Variants in HOXB4 observed in about 807,000 individuals in gnomAD.
HOXB4 encodes homeobox protein Hox-B4.
In HOXB4, 13 loss-of-function variants were observed where a neutral mutation model predicts 20.0. The ratio of observed to expected loss-of-function variants is 0.65; its 90% CI spans 0.42 to 1.03. The LOEUF (loss-of-function observed/expected upper bound fraction) is 1.03. Ranked by LOEUF, HOXB4 falls within the 50% of genes least tolerant of loss-of-function variation. HOXB4 has a pLI of 0.00. For missense variants in HOXB4, 343 were observed against 357.1 expected, an observed-to-expected ratio of 0.96 and a Z score of 0.32; for synonymous variants, 173 against 148.9, an observed-to-expected ratio of 1.16 and a Z score of -1.18.
rs772599680 is a variant in HOXB4 at position 48,576,867 on chromosome 17, C to A, written c.611G>T (p.Arg204Leu). Residue 204 changes from arginine (R) to leucine (L), a missense_variant, in exon 2 of 2, where the codon CGC (arginine) becomes CTC (leucine). This residue lies in a region of HOXB4 where 54 missense variants were observed against 90.3 expected (regional missense o/e 0.60). Coordinates refer to ENST00000332503, the MANE Select transcript of HOXB4 (RefSeq NM_024015.5). ...GTTCTGGAACCAGATCTTGATCTGG[C>A]GCTCGGAGAGGCAGAGCGCGTGGGC... ...EIAHALCLSE[R>L]QIKIWFQNRR... 1 of 1,614,232 alleles carries A rather than the reference C, an allele frequency of 6.2e-7. No homozygotes were observed. The highest frequency in any genetic ancestry group is 8.5e-7 in the Non-Finnish European group (1 of 1,180,038).
intron 1 of HOXB4, among the ~76,000 whole-genome samples, chr17:48,577,468 T>G (rs2069804552): frequency 6.6e-6 from 1 of 152,202 alleles, no homozygotes; most frequent in South Asian, 2.1e-4. Context: ...GGAGTCAGAC[T>G]GGAAGAAAGG....
In HOXB4 at chr17:48,576,781, C is replaced by T. The variant is rs1416654859; in HGVS notation, c.697G>A (p.Ala233Thr). 1 of 1,614,106 alleles carries T rather than the reference C, an allele frequency of 6.2e-7. No homozygotes were observed. Among genetic ancestry groups the T allele is most frequent in the South Asian group, 1.1e-5 (1 of 91,078 alleles). Residue 233 changes from alanine (A) to threonine (T), a missense_variant, in exon 2 of 2, where the codon GCG (alanine) becomes ACG (threonine). By Grantham distance (58) the Ala-to-Thr change is moderately conservative. Around this residue, in one of 3 missense-constraint regions of HOXB4, gnomAD observed 48 missense variants for 44.8 expected, o/e 1.07. Transcript: ENST00000332503. ...GGGGGCCCTCCGGCTGAGCCTGCCG[C>T]ACCACCCGAGCGGATCTTGGTGTTG... is the stretch of plus-strand genomic sequence containing the variant. Reference protein sequence around the residue: ...LPNTKIRSGGAAGSAGGPPGR... With the variant: ...LPNTKIRSGGTAGSAGGPPGR...
In HOXB4 at chr17:48,577,970, G is replaced by T; in HGVS notation, c.350C>A (p.Pro117His). The T allele has an allele frequency of 7.6e-7, 1 of 1,312,786 alleles. No individual in the cohort carries two copies. The highest frequency in any genetic ancestry group is 9.7e-7 in the Non-Finnish European group (1 of 1,026,328). 81.3% of individuals were successfully genotyped at this position (1,312,786 alleles called of 1,614,324 possible). The change falls in exon 1 of 2, where the codon CCC becomes CAC. Residue 117 changes from proline (P) to histidine (H), a missense_variant. By Grantham distance (77) the Pro-to-His change is moderately conservative. Around this residue, in one of 3 missense-constraint regions of HOXB4, gnomAD observed 241 missense variants for 222.0 expected, o/e 1.09. Transcript: ENST00000332503. ...GTTCTGGGCGCAGGGAGGCGGCGGG[G>T]GGCTGCTGCTGACCGCCTCGCAGCG... The part of the protein sequence containing the change: ...GQRCEAVSSS[P>H]PPPPCAQNPL...
At chr17:48,577,477 G>A (rs972489609) in intron 1 of HOXB4, among the ~76,000 whole-genome samples, 3 of 152,114 alleles carry the variant, frequency 2.0e-5, no homozygotes, top group African/African-American at 7.2e-5. Context: ...CTGGAAGAAA[G>A]GAAAAAATAA....
In HOXB4 at chr17:48,578,312, A is replaced by G; in HGVS notation, c.8T>C (p.Met3Thr). The G allele has an allele frequency of 6.2e-7, 1 of 1,608,498 alleles. No individual in the cohort carries two copies. Among genetic ancestry groups the G allele is most frequent in the Non-Finnish European group, 8.5e-7 (1 of 1,177,708 alleles). The change falls in exon 1 of 2, where the codon ATG becomes ACG. Residue 3 changes from methionine (M) to threonine (T), a missense_variant. This residue lies in a region of HOXB4 where 241 missense variants were observed against 222.0 expected (regional missense o/e 1.09). Coordinates refer to ENST00000332503, the MANE Select transcript of HOXB4 (RefSeq NM_024015.5). ...GTTTGAGTTGATCAAAAAAGAACTC[A>G]TAGCCATTAATTTCTGGGAATTGCC... MAMSSFLINSNYV... is the reference protein window; with the variant it reads MATSSFLINSNYV...
At position 48,576,601 on chromosome 17, in the gene HOXB4, G is replaced by A; in HGVS notation, c.*121C>T. ...CGTTTATTCGTATATAAAGTGTGGG[G>A]GAGGGCAGATAGATTTTTCCGGGGC... is the stretch of plus-strand genomic sequence containing the variant. On this transcript the variant is annotated 3_prime_UTR_variant, in exon 2 of 2. Transcript: ENST00000332503. 1 of 795,150 alleles carries A rather than the reference G, an allele frequency of 1.3e-6. No individual in the cohort carries two copies. Among genetic ancestry groups the A allele is most frequent in the Non-Finnish European group, 1.9e-6 (1 of 516,212 alleles). The allele number at this position is 795,150 out of a possible 1,614,324, so 49.3% of individuals were successfully genotyped here. A position where few individuals can be genotyped will look rare whatever the true frequency, so the allele number is the denominator to read the frequency against.
rs756242347 is a variant in HOXB4, at chr17:48,576,711, G to A, written c.*11C>T. ...CCACCCCGAGGTTCGTGGCTCCCGCGTGCGGGGGCACTAGAGCGCGCGGGG... is the reference window on the plus strand; with the variant it reads ...CCACCCCGAGGTTCGTGGCTCCCGCATGCGGGGGCACTAGAGCGCGCGGGG... On this transcript the variant is annotated 3_prime_UTR_variant, in exon 2 of 2. Coordinates refer to ENST00000332503, the MANE Select transcript of HOXB4 (RefSeq NM_024015.5). 7 of 1,311,256 alleles carry A rather than the reference G, an allele frequency of 5.3e-6. No individual in the cohort carries two copies. The highest frequency in any genetic ancestry group is 2.4e-5 in the South Asian group (2 of 84,260). 81.2% of individuals were successfully genotyped at this position (1,311,256 alleles called of 1,614,324 possible). A position where few individuals can be genotyped will look rare whatever the true frequency, so the allele number is the denominator to read the frequency against.
chr17:48,578,096 G>T lies in HOXB4; in HGVS notation c.224C>A (p.Pro75Gln). Residue 75 changes from proline to glutamine, a missense_variant, in exon 1 of 2, where the codon CCG (proline) becomes CAG (glutamine). By Grantham distance (76) the Pro-to-Gln change is moderately conservative (BLOSUM62 -1). Transcript: ENST00000332503. Reference sequence around the variant, plus strand: ...GGGCGGCGGGGGTGGTGGCGGAGGCGGCGGGGGCCCAGGGTCCCGGCAGGC... The same window carrying T: ...GGGCGGCGGGGGTGGTGGCGGAGGCTGCGGGGGCCCAGGGTCCCGGCAGGC... ...YAACRDPGPP[P>Q]PPPPPPPPPP... The T allele has an allele frequency of 1.7e-6, 2 of 1,152,070 alleles. No homozygotes were observed. The highest frequency in any genetic ancestry group is 2.2e-6 in the Non-Finnish European group (2 of 897,910). The allele number at this position is 1,152,070 out of a possible 1,614,324, so 71.4% of individuals were successfully genotyped here. A position where few individuals can be genotyped will look rare whatever the true frequency, so the allele number is the denominator to read the frequency against.
At position 48,575,944 on chromosome 17, in the gene HOXB4, T is replaced by A. The variant is rs1441322813; in HGVS notation, c.*778A>T. 6.6e-6 allele frequency: 1 copy of A among 152,126 alleles called. No homozygotes were observed. Among genetic ancestry groups the A allele is most frequent in the Non-Finnish European group, 1.5e-5 (1 of 68,006 alleles). The allele number at this position is 152,126 out of a possible 1,614,324, so 9.4% of individuals were successfully genotyped here. The stretch of plus-strand genomic sequence containing the variant: ...AGGAAGGCCCTCCCGGGTCTCTGAG[T>A]CTCTCTTTTTCCTTGGACTCAATTT... On this transcript the variant is annotated 3_prime_UTR_variant, in exon 2 of 2. Coordinates refer to ENST00000332503, the MANE Select transcript of HOXB4 (RefSeq NM_024015.5).
Position 48,575,756 on chromosome 17 carries a change from T to A in HOXB4, c.*966A>T, listed in dbSNP as rs2069737737. 6.6e-6 allele frequency: 1 copy of A among 152,578 alleles called. No individual in the cohort carries two copies. The highest frequency in any genetic ancestry group is 1.5e-5 in the Non-Finnish European group (1 of 68,016). 9.5% of individuals were successfully genotyped at this position (152,578 alleles called of 1,614,324 possible). On this transcript the variant is annotated 3_prime_UTR_variant, in exon 2 of 2. Transcript: ENST00000332503. ...GGGAGAGGGCTCTGCAACATCCTCC[T>A]CCCAGACTGGGAGGGGCACATTTTA...
In HOXB4 at chr17:48,578,197, G is replaced by A. The variant is rs370033768; in HGVS notation, c.123C>T (p.Gly41=). ...GCTGGAAGCTGCTCTCTCGCCTCTG[G>A]CCGCCGGCGTAGTACCCGGGCGAGT... ...SDHSPGYYAG[G]QRRESSFQPE... The change falls in exon 1 of 2, where the codon GGC becomes GGT. Residue 41 remains glycine (G), a synonymous_variant. Transcript: ENST00000332503. 38 of 1,613,166 alleles carry A rather than the reference G, an allele frequency of 2.4e-5. No individual in the cohort carries two copies. Among genetic ancestry groups the A allele is most frequent in the Non-Finnish European group, 3.1e-5 (37 of 1,179,654 alleles).
chr17:48,576,645 T>TGCCCCCCCCC lies in HOXB4; in HGVS notation c.*76_*77insGGGGGGGGGC. On this transcript the variant is annotated 3_prime_UTR_variant, in exon 2 of 2. Coordinates refer to ENST00000332503, the MANE Select transcript of HOXB4 (RefSeq NM_024015.5). ...CCGGGGCCCAGGCCCCAGGGCCCCC[T>TGCCCCCCCCC]CCTGTCCCCCCACCCCATCCCCTGC... is the stretch of plus-strand genomic sequence containing the variant. 2 of 559,068 alleles carry TGCCCCCCCCC rather than the reference T, an allele frequency of 3.6e-6. No individual in the cohort carries two copies. Among genetic ancestry groups the TGCCCCCCCCC allele is most frequent in the East Asian group, 6.5e-5 (1 of 15,460 alleles). The allele number at this position is 559,068 out of a possible 1,614,324, so 34.6% of individuals were successfully genotyped here.
Position 48,578,153 on chromosome 17 carries a change from C to G in HOXB4, c.167G>C (p.Arg56Pro), listed in dbSNP as rs762349263. ...SSFQPEAGFG[R>P]RAACTVQRYA... ...GCGCTGCACGGTGCACGCCGCGCGC[C>G]GCCCGAAGCCCGCCTCCGGCTGGAA... Residue 56 changes from arginine (R) to proline (P), a missense_variant, in exon 1 of 2, where the codon CGG becomes CCG. Arg to Pro is a moderately radical substitution (Grantham distance 103). Around this residue, in one of 3 missense-constraint regions of HOXB4, gnomAD observed 241 missense variants for 222.0 expected, o/e 1.09. Transcript: ENST00000332503. 6.3e-7 allele frequency: 1 copy of G among 1,592,564 alleles called. No individual in the cohort carries two copies. The highest frequency in any genetic ancestry group is 8.6e-7 in the Non-Finnish European group (1 of 1,166,684).
In HOXB4 at chr17:48,577,854, C is replaced by T; in HGVS notation, c.457+9G>A. 5 of 1,401,824 alleles carry T rather than the reference C, an allele frequency of 3.6e-6. No individual in the cohort carries two copies. The highest frequency in any genetic ancestry group is 4.7e-6 in the Non-Finnish European group (5 of 1,075,104). 86.8% of individuals were successfully genotyped at this position (1,401,824 alleles called of 1,614,324 possible). A position where few individuals can be genotyped will look rare whatever the true frequency, so the allele number is the denominator to read the frequency against. ...GGGTGGGAGGGGGAAGGGGTGCCCACGCACTCACCCGTGCTCACGTGAACT... is the reference window on the plus strand; with the variant it reads ...GGGTGGGAGGGGGAAGGGGTGCCCATGCACTCACCCGTGCTCACGTGAACT... On this transcript the variant is annotated intron_variant, in intron 1 of 1. Coordinates refer to ENST00000332503, the MANE Select transcript of HOXB4 (RefSeq NM_024015.5).
rs754933999 is a variant in HOXB4 at position 48,576,767 on chromosome 17, G to A, written c.711C>T (p.Ala237=). ...KIRSGGAAGS[A]GGPPGRPNGG... ...CATTGGGCCGGCCAGGGGGCCCTCC[G>A]GCTGAGCCTGCCGCACCACCCGAGC... Residue 237 remains alanine (A), a synonymous_variant, in exon 2 of 2, where the codon GCC becomes GCT. Coordinates refer to ENST00000332503, the MANE Select transcript of HOXB4 (RefSeq NM_024015.5). The A allele has an allele frequency of 2.5e-5, 39 of 1,583,328 alleles. No homozygotes were observed. Among genetic ancestry groups the A allele is most frequent in the African/African-American group, 9.5e-5 (7 of 73,810 alleles).
chr17:48,576,568 CT>C lies in HOXB4; in HGVS notation c.*153del. 3.5e-6 allele frequency: 2 copies of C among 578,438 alleles called. No homozygotes were observed. Among genetic ancestry groups the C allele is most frequent in the Admixed American group, 3.6e-5 (1 of 27,968 alleles). The allele number at this position is 578,438 out of a possible 1,614,324, so 35.8% of individuals were successfully genotyped here. On this transcript the variant is annotated 3_prime_UTR_variant, in exon 2 of 2. Coordinates refer to ENST00000332503, the MANE Select transcript of HOXB4 (RefSeq NM_024015.5). The stretch of plus-strand genomic sequence containing the variant: ...TCTATAAATAAAGCTTCCCCTCCCC[CT>C]CTTCTGCGTTTATTCGTATATAAAG...
chr17:48,577,144 G>C, intron 1 of HOXB4, 124 bp from the exon 2 acceptor site: 2 of 923,542 alleles, frequency 2.2e-6, no homozygotes, highest in Non-Finnish European at 3.0e-6. Flanking sequence ...TTCCTTCTGA[G>C]GGAGAGCGGG....
chr17:48,576,461 C>G lies in HOXB4; in HGVS notation c.*261G>C. 2.6e-6 allele frequency: 1 copy of G among 386,386 alleles called. No individual in the cohort carries two copies. The allele number at this position is 386,386 out of a possible 1,614,324, so 23.9% of individuals were successfully genotyped here. A position where few individuals can be genotyped will look rare whatever the true frequency, so the allele number is the denominator to read the frequency against. On this transcript the variant is annotated 3_prime_UTR_variant, in exon 2 of 2. Coordinates refer to ENST00000332503, the MANE Select transcript of HOXB4 (RefSeq NM_024015.5). Reference sequence around the variant, plus strand: ...TCTTTCTTCCTTCTTCTTGCTTTTTCTTTTTCTTTTTTTTAAGAAAGAAAG... The same window carrying G: ...TCTTTCTTCCTTCTTCTTGCTTTTTGTTTTTCTTTTTTTTAAGAAAGAAAG...
In HOXB4 at chr17:48,577,932, TG is replaced by T. The variant is rs756515553; in HGVS notation, c.387del (p.Ser130AlafsTer21). The T allele has an allele frequency of 1.5e-6, 2 of 1,360,826 alleles. No homozygotes were observed. The highest frequency in any genetic ancestry group is 3.0e-5 in the Admixed American group (1 of 33,316). 84.3% of individuals were successfully genotyped at this position (1,360,826 alleles called of 1,614,324 possible). A position where few individuals can be genotyped will look rare whatever the true frequency, so the allele number is the denominator to read the frequency against. On this transcript the variant is annotated frameshift_variant, in exon 1 of 2. Coordinates refer to ENST00000332503, the MANE Select transcript of HOXB4 (RefSeq NM_024015.5). LOFTEE classifies it high-confidence loss of function. The stretch of plus-strand genomic sequence containing the variant: ...TCTTTGCACGCGGAGTGGGACGGGC[TG>T]GGGTGCAGGGGGTTCTGGGCGCAGG... ...PPPCAQNPLH[P>X]SPSHSACKEP...
Sources: allele counts gnomAD v4.1 joint callset (sites outside exome capture counted in the v4.1 genomes callset), GRCh38; gene constraint gnomAD v4.1.1; regional missense constraint gnomAD v4.1.1; transcripts MANE v1.5; gene names NCBI Gene and HGNC (gene_info 2026-07-23, HGNC 2026-07-21).